RNF150: variants seen among roughly 807,000 people sequenced by gnomAD.
RNF150 encodes ring finger protein 150.
Under a neutral mutation model 39.3 loss-of-function variants are expected in RNF150, and 24 were observed. The observed-to-expected ratio is 0.61, with a 90% CI of 0.44 to 0.86. The LOEUF (loss-of-function observed/expected upper bound fraction) is 0.86. RNF150 is among the 40% of genes least tolerant of loss of function. The pLI, the probability that RNF150 is intolerant of heterozygous loss-of-function variation, is 0.00. For missense variants in RNF150, 502 were observed against 587.8 expected (o/e 0.85, Z 1.51); for synonymous variants, 255 against 227.3 (o/e 1.12, Z -1.10).
rs533209316 is a variant in RNF150 at position 141,036,927 on chromosome 4, G to C, written c.485-69054C>G. On this transcript the variant is annotated intron_variant, in intron 1 of 6. Coordinates refer to ENST00000515673, the MANE Select transcript of RNF150 (RefSeq NM_020724.2). Reference sequence around the variant, plus strand: ...GGCCCTTAGCTCAAAATTGCTGCAAGTCATGGACTGTTGATGTGAATATTT... The same window carrying C: ...GGCCCTTAGCTCAAAATTGCTGCAACTCATGGACTGTTGATGTGAATATTT... 2.6e-5 allele frequency among the ~76,000 whole-genome samples: 4 copies of C among 152,286 alleles called. No homozygotes were observed. The South Asian group carries it at 8.3e-4, about 32-fold the overall frequency.
intron 1 of RNF150, among the ~76,000 whole-genome samples, chr4:140,985,142 T>C (rs1560999978): frequency 6.6e-6 from 1 of 152,126 alleles, no homozygotes; most frequent in Non-Finnish European, 1.5e-5. Flanking sequence ...GACACTACAC[T>C]GCCTCCTAAA....
At chr4:141,092,713 A>G (rs1300138273) in intron 1 of RNF150, among the ~76,000 whole-genome samples, 1 of 151,948 alleles carries the variant, frequency 6.6e-6, no homozygotes, top group African/African-American at 2.4e-5. Flanking sequence ...TCTTCTTTCC[A>G]TCATGTCACA....
chr4:141,164,409 A>G (rs1727566164), intron 1 of RNF150, among the ~76,000 whole-genome samples: 2 of 152,200 alleles, frequency 1.3e-5, no homozygotes, highest in South Asian at 4.1e-4. Flanking sequence ...AACTTCCCCA[A>G]ATTAGCAAGG....
At chr4:140,883,918 A>G (rs1001506109) in intron 6 of RNF150, among the ~76,000 whole-genome samples, 4 of 150,986 alleles carry the variant, frequency 2.6e-5, no homozygotes, top group Non-Finnish European at 5.9e-5. Context: ...CATGATGCAC[A>G]TATTTGTCCA....
chr4:141,020,102 A>T (rs1277765784), intron 1 of RNF150, among the ~76,000 whole-genome samples: 4 of 149,312 alleles, frequency 2.7e-5, no homozygotes, highest in Non-Finnish European at 5.9e-5. Context: ...TTGGTTTGAT[A>T]TTTTTTTTTT....
intron 5 of RNF150, among the ~76,000 whole-genome samples, chr4:140,916,424 C>T (rs1730832301): frequency 6.6e-6 from 1 of 152,056 alleles, no homozygotes; most frequent in Admixed American, 6.6e-5. Flanking sequence ...CCGATGTGAT[C>T]AACTGGAAGA....
intron 1 of RNF150, among the ~76,000 whole-genome samples, chr4:141,157,397 T>C (rs754383612): frequency 1.8e-4 from 27 of 152,220 alleles, no homozygotes; most frequent in Non-Finnish European, 3.1e-4. Context: ...AGTAGAATTA[T>C]GATTGACTCA....
At chr4:141,084,508 C>A (rs1156627001) in intron 1 of RNF150, among the ~76,000 whole-genome samples, 1 of 152,100 alleles carries the variant, frequency 6.6e-6, no homozygotes, top group African/African-American at 2.4e-5. Flanking sequence ...ACCATGGAAA[C>A]AAAATGGACC....
At chr4:141,203,108 A>G (rs11933285) in intron 1 of RNF150, among the ~76,000 whole-genome samples, 32,419 of 130,082 alleles carry the variant, frequency 0.25, 4,226 homozygotes, top group African/African-American at 0.31. Context: ...AATCTTGGAG[A>G]CGATATATAT....
intron 4 of RNF150, among the ~76,000 whole-genome samples, chr4:140,945,600 A>ATACATATATATACTACATATATATAC (rs71584389): frequency 6.8e-6 from 1 of 146,402 alleles, no homozygotes; most frequent in Non-Finnish European, 1.5e-5. Context: ...ATATACATAT[A>ATACATATATATACTACATATATATAC]TACATATATA....
At chr4:141,210,137 TG>T (rs1368303842) in intron 1 of RNF150, among the ~76,000 whole-genome samples, 20 of 152,212 alleles carry the variant, frequency 1.3e-4, no homozygotes. Flanking sequence ...TTTTTTGTTT[TG>T]TTTTTCTATG....
intron 6 of RNF150, among the ~76,000 whole-genome samples, chr4:140,889,529 G>C (rs1326610042): frequency 6.6e-6 from 1 of 152,004 alleles, no homozygotes; most frequent in East Asian, 1.9e-4. Flanking sequence ...GCTTCATCTG[G>C]GTTTGGTACC....
chr4:140,920,377 G>C (rs1054763615), intron 5 of RNF150, among the ~76,000 whole-genome samples: 4 of 147,258 alleles, frequency 2.7e-5, no homozygotes, highest in Non-Finnish European at 6.0e-5. Context: ...AGTGGGCAAA[G>C]GACATGAACA....
intron 1 of RNF150, among the ~76,000 whole-genome samples, chr4:141,042,886 C>A (rs1736422525): frequency 6.6e-6 from 1 of 151,938 alleles, no homozygotes; most frequent in Non-Finnish European, 1.5e-5. Context: ...GTTCTTGAAC[C>A]TTGTCTTCGG....
At chr4:140,907,246 A>G (rs1730416326) in intron 6 of RNF150, among the ~76,000 whole-genome samples, 1 of 152,196 alleles carries the variant, frequency 6.6e-6, no homozygotes, top group South Asian at 2.1e-4. Context: ...CATACAAATG[A>G]CCACTCACAT....
Position 141,063,728 on chromosome 4 carries a change from T to C in RNF150, c.484+68597A>G, listed in dbSNP as rs973963325. 1.2e-4 allele frequency among the ~76,000 whole-genome samples: 18 copies of C among 152,142 alleles called. No homozygotes were observed. In the South Asian group the frequency reaches 2.3e-3, roughly 19 times the overall value. On this transcript the variant is annotated intron_variant, in intron 1 of 6. Coordinates refer to ENST00000515673, the MANE Select transcript of RNF150 (RefSeq NM_020724.2). ...TTTAGAACATACTACGCACAAATTATTATGCTAGACTCTCGGGATACAAAA... is the reference window on the plus strand; with the variant it reads ...TTTAGAACATACTACGCACAAATTACTATGCTAGACTCTCGGGATACAAAA...
intron 2 of RNF150, among the ~76,000 whole-genome samples, chr4:140,962,499 T>C (rs900687753): frequency 2.6e-5 from 4 of 151,690 alleles, no homozygotes; most frequent in African/African-American, 9.7e-5. Context: ...CACACACATA[T>C]ATATATATAA....
chr4:141,207,243 A>T (rs778374886), intron 1 of RNF150, among the ~76,000 whole-genome samples: 60 of 145,574 alleles, frequency 4.1e-4, no homozygotes, highest in Middle Eastern at 3.2e-3. Context: ...ACACAGATTA[A>T]TTAGAGATAA....
intron 5 of RNF150, among the ~76,000 whole-genome samples, chr4:140,915,306 T>A (rs979142235): frequency 2.0e-5 from 3 of 152,250 alleles, no homozygotes; most frequent in Non-Finnish European, 1.5e-5. Context: ...GGGTTTCAGT[T>A]CGATATAGCA....
Sources: allele counts gnomAD v4.1 joint callset (sites outside exome capture counted in the v4.1 genomes callset), GRCh38; gene constraint gnomAD v4.1.1; transcripts MANE v1.5; gene names NCBI Gene and HGNC (gene_info 2026-07-23, HGNC 2026-07-21).